The following FMN2 variants were observed in gnomAD, a reference collection of about 807,000 sequenced individuals.
FMN2 encodes the protein formin-2.
Under a neutral mutation model 142.3 loss-of-function variants are expected in FMN2, and 51 were observed. The observed-to-expected ratio is 0.36, with a 90% CI of 0.29 to 0.45. The LOEUF (loss-of-function observed/expected upper bound fraction) is 0.45. FMN2 is among the 20% of genes least tolerant of loss of function. The pLI, the probability that FMN2 is intolerant of heterozygous loss-of-function variation, is 1.00. For synonymous variants in FMN2, 882 were observed against 869.8 expected (o/e 1.01, Z -0.25); for missense variants, 1,936 against 2,122.8 (o/e 0.91, Z 1.73).
intron 2 of FMN2, among the ~76,000 whole-genome samples, chr1:240,126,730 G>A (rs182304814): frequency 6.6e-6 from 1 of 152,266 alleles, no homozygotes; most frequent in Non-Finnish European, 1.5e-5. Flanking sequence ...ATTCATTCTA[G>A]AAGCCAGGCA....
chr1:240,332,710 G>C (rs1318095036), intron 11 of FMN2, among the ~76,000 whole-genome samples: 1 of 152,140 alleles, frequency 6.6e-6, no homozygotes, highest in African/African-American at 2.4e-5. Context: ...ACTCAGAAGA[G>C]CTATACAAAG....
chr1:240,182,834 A>G (rs1182949508), intron 3 of FMN2, among the ~76,000 whole-genome samples: 1 of 152,124 alleles, frequency 6.6e-6, no homozygotes, highest in Non-Finnish European at 1.5e-5. Flanking sequence ...AGCACAACTA[A>G]TATCCCAAAG....
intron 1 of FMN2, among the ~76,000 whole-genome samples, chr1:240,106,748 G>T (rs1204135869): frequency 6.6e-6 from 1 of 150,664 alleles, no homozygotes; most frequent in East Asian, 2.0e-4. Flanking sequence ...GCAATGGCGC[G>T]ATCTTGCTCA....
chr1:240,324,507 C>A (rs1481632116), intron 8 of FMN2, among the ~76,000 whole-genome samples: 1 of 151,814 alleles, frequency 6.6e-6, no homozygotes, highest in East Asian at 2.0e-4. Flanking sequence ...ACAAAAATTA[C>A]CTGGGCATGC....
intron 16 of FMN2, among the ~76,000 whole-genome samples, chr1:240,446,984 G>T (rs1283895149): frequency 6.6e-6 from 1 of 152,172 alleles, no homozygotes; most frequent in African/African-American, 2.4e-5. Flanking sequence ...TTAAACATTA[G>T]CAGCCTTAGG....
chr1:240,168,756 A>G (rs1255544711), intron 2 of FMN2, among the ~76,000 whole-genome samples: 2 of 152,200 alleles, frequency 1.3e-5, no homozygotes, highest in African/African-American at 2.4e-5. Flanking sequence ...AAAAAACAAT[A>G]CTGAAGTGGA....
rs1572065678 is a variant in FMN2, at chr1:240,208,436, A to T, written c.3624A>T (p.Pro1208=). The T allele has an allele frequency of 6.4e-7, 1 of 1,573,624 alleles. No individual in the cohort carries two copies. The highest frequency in any genetic ancestry group is 8.6e-7 in the Non-Finnish European group (1 of 1,161,908). The change falls in exon 5 of 18, where the codon CCA becomes CCT. Residue 1208 remains proline (P), a synonymous_variant. Transcript: ENST00000319653. The stretch of plus-strand genomic sequence containing the variant: ...CTCTACCTGGTGCTGGGATTCCCCC[A>T]CCTCCTCCCTTGCCAGGTATGGGGA... ...PPPLPGAGIP[P]PPPLPGMGIP... is the part of the protein sequence containing the mutation.
intron 16 of FMN2, among the ~76,000 whole-genome samples, chr1:240,449,869 CAATT>C (rs1412380478): frequency 6.6e-6 from 1 of 152,022 alleles, no homozygotes; most frequent in African/African-American, 2.4e-5. Context: ...GTACTTATCA[CAATT>C]AAGCGTTAAT....
intron 8 of FMN2, among the ~76,000 whole-genome samples, chr1:240,308,212 T>C (rs960646845): frequency 5.9e-5 from 9 of 152,134 alleles, no homozygotes; most frequent in Admixed American, 2.6e-4. Context: ...AAGTCTGATA[T>C]ATTCAGGGAA....
At chr1:240,347,700 C>T (rs1671955052) in intron 13 of FMN2, among the ~76,000 whole-genome samples, 1 of 152,138 alleles carries the variant, frequency 6.6e-6, no homozygotes, top group Non-Finnish European at 1.5e-5. Context: ...CTGTCTCTCC[C>T]CACTCTAATA....
chr1:240,330,635 T>C lies in FMN2; in HGVS notation c.4470T>C (p.Val1490=). The change falls in exon 11 of 18, where the codon GTT becomes GTC. Residue 1490 remains valine (V), a synonymous_variant. Coordinates refer to ENST00000319653, the MANE Select transcript of FMN2 (RefSeq NM_020066.5). ...AAAATGGCCCAGGGGTTATGCAGGT[T>C]CTAGGTTTGGTTCTTGCCTTTGGCA... The part of the protein sequence containing the change: ...TLKNGPGVMQ[V]LGLVLAFGNY... 6.2e-7 allele frequency: 1 copy of C among 1,613,974 alleles called. No individual in the cohort carries two copies. The highest frequency in any genetic ancestry group is 8.5e-7 in the Non-Finnish European group (1 of 1,179,912).
chr1:240,405,201 A>G (rs1674106143), intron 15 of FMN2, among the ~76,000 whole-genome samples: 1 of 152,208 alleles, frequency 6.6e-6, no homozygotes, highest in South Asian at 2.1e-4. Context: ...TTGAAATGCA[A>G]GTAGGGCAAG....
chr1:240,277,777 C>T (rs990846429), intron 7 of FMN2, among the ~76,000 whole-genome samples: 8 of 151,870 alleles, frequency 5.3e-5, no homozygotes, highest in Non-Finnish European at 1.0e-4. Flanking sequence ...TCAAGTGATC[C>T]GCCCGTCTTG....
chr1:240,126,154 C>T (rs1335455723), intron 2 of FMN2, among the ~76,000 whole-genome samples: 1 of 152,126 alleles, frequency 6.6e-6, no homozygotes, highest in Non-Finnish European at 1.5e-5. Flanking sequence ...TATAATGATA[C>T]AGGGGGTTCT....
intron 15 of FMN2, among the ~76,000 whole-genome samples, chr1:240,402,576 G>A (rs188541307): frequency 7.9e-5 from 12 of 152,280 alleles, no homozygotes; most frequent in African/African-American, 1.2e-4. Flanking sequence ...GATGGATTTC[G>A]GCAGAATATT....
chr1:240,434,687 A>G (rs1348721022), intron 15 of FMN2, among the ~76,000 whole-genome samples: 6 of 149,716 alleles, frequency 4.0e-5, no homozygotes, highest in South Asian at 2.1e-4. Flanking sequence ...TCAGCCTCCC[A>G]AGTAACTGGG....
At chr1:240,423,915 T>C (rs1674852693) in intron 15 of FMN2, among the ~76,000 whole-genome samples, 1 of 152,192 alleles carries the variant, frequency 6.6e-6, no homozygotes, top group Non-Finnish European at 1.5e-5. Context: ...AGGAAATTAA[T>C]AAATGATCTG....
At chr1:240,134,554 G>A (rs1447567959) in intron 2 of FMN2, among the ~76,000 whole-genome samples, 1 of 152,112 alleles carries the variant, frequency 6.6e-6, no homozygotes, top group Non-Finnish European at 1.5e-5. Context: ...GGGAGGTTGA[G>A]GTTGCAATGA....
intron 15 of FMN2, among the ~76,000 whole-genome samples, chr1:240,394,840 T>C (rs891520861): frequency 2.6e-5 from 4 of 152,022 alleles, no homozygotes; most frequent in African/African-American, 9.7e-5. Flanking sequence ...TGGTGGTGCA[T>C]GCCTGTAATG....
Sources: gnomAD v4.1 joint callset for allele counts (sites outside exome capture counted in the v4.1 genomes callset) on GRCh38, gnomAD v4.1.1 for gene constraint, MANE v1.5 for transcripts, NCBI Gene and HGNC (gene_info 2026-07-23, HGNC 2026-07-21) for gene names.